The following NIPBL variants were observed in gnomAD, a reference collection of about 807,000 sequenced individuals.
NIPBL encodes nipped-B-like protein.
A neutral mutation model predicts 321.8 loss-of-function variants in NIPBL; 19 were observed. The ratio of observed to expected loss-of-function variants is 0.06; its 90% CI spans 0.04 to 0.09. The LOEUF is 0.09. Among genes scored for constraint, NIPBL ranks in the 10% least tolerant of loss-of-function variants. The probability of loss-of-function intolerance (pLI) is 1.00; values close to 1 mark genes in which losing one functional copy is unlikely to be tolerated. For missense variants in NIPBL, 2,210 were observed against 3,327.0 expected (o/e 0.66, Z 8.26); for synonymous variants, 1,106 against 1,114.1 (o/e 0.99, Z 0.14).
At chr5:36,887,919 G>A (rs1179619564) in intron 1 of NIPBL, among the ~76,000 whole-genome samples, 1 of 152,118 alleles carries the variant, frequency 6.6e-6, no homozygotes, top group East Asian at 1.9e-4. Context: ...AATACATGAA[G>A]TAGGTTAATG....
intron 6 of NIPBL, 143 bp downstream of exon 6, chr5:36,962,417 T>A: frequency 1.1e-6 from 1 of 876,092 alleles, no homozygotes; most frequent in Non-Finnish European, 1.8e-6. Flanking sequence ...AGATATGGCT[T>A]AAATCATTAA....
At chr5:36,988,808 A>T (rs1042327785) in intron 10 of NIPBL, among the ~76,000 whole-genome samples, 1 of 152,110 alleles carries the variant, frequency 6.6e-6, no homozygotes, top group East Asian at 1.9e-4. Context: ...ATTTTACCTG[A>T]TGTTCATATA....
At chr5:37,047,011 A>T (rs1387402421) in intron 38 of NIPBL, among the ~76,000 whole-genome samples, 3 of 152,244 alleles carry the variant, frequency 2.0e-5, no homozygotes, top group Admixed American at 6.5e-5. Context: ...AAATATGTAC[A>T]GACTTTTTTT....
At chr5:37,058,825 G>A in intron 43 of NIPBL, 66 bp from the exon 44 acceptor site, 4 of 1,441,696 alleles carry the variant, frequency 2.8e-6, no homozygotes, top group Non-Finnish European at 3.9e-6. Flanking sequence ...GCTGTTGAAT[G>A]GAGCATACTT....
At position 37,019,305 on chromosome 5, in the gene NIPBL, C is replaced by G; in HGVS notation, c.4921-6C>G. 1.3e-6 allele frequency: 2 copies of G among 1,592,366 alleles called. No individual in the cohort carries two copies. The highest frequency in any genetic ancestry group is 1.7e-6 in the Non-Finnish European group (2 of 1,160,754). ...CTTTTTTGTTCTTATTTGGTTTATT[C>G]TATAGGTTTCAGGAGGGGAAGATGA... On this transcript the variant is annotated splice_polypyrimidine_tract_variant and splice_region_variant and intron_variant, in intron 24 of 46. Transcript: ENST00000282516.
At chr5:37,037,731 C>T (rs532602534) in intron 33 of NIPBL, among the ~76,000 whole-genome samples, 1 of 148,782 alleles carries the variant, frequency 6.7e-6, no homozygotes, top group Admixed American at 6.8e-5. Context: ...ATACTGATGT[C>T]CCTTAATGTT....
chr5:36,985,100 A>G lies in NIPBL; in HGVS notation c.1920A>G (p.Leu640=), dbSNP rs530214717. ...LVETKSSENK[L]ETKVETQTEE... ...AGACAAAATCAAGTGAAAATAAGTTAGAAACTAAAGTTGAGACCCAAACAG... is the reference window on the plus strand; with the variant it reads ...AGACAAAATCAAGTGAAAATAAGTTGGAAACTAAAGTTGAGACCCAAACAG... Residue 640 remains leucine (L), a synonymous_variant, in exon 10 of 47, where the codon TTA becomes TTG. Coordinates refer to ENST00000282516, the MANE Select transcript of NIPBL (RefSeq NM_133433.4). 2.6e-5 allele frequency: 42 copies of G among 1,613,924 alleles called. No homozygotes were observed. Among genetic ancestry groups the G allele is most frequent in the Middle Eastern group, 1.7e-4 (1 of 6,060 alleles).
At chr5:37,029,350 TTTG>T (rs1750690770) in intron 32 of NIPBL, among the ~76,000 whole-genome samples, 18 of 152,310 alleles carry the variant, frequency 1.2e-4, no homozygotes, top group Middle Eastern at 3.4e-3. Flanking sequence ...TAATCTTGTG[TTTG>T]ACTTTTTAAA....
At chr5:37,063,767 G>GA (rs1755064632) in intron 45 of NIPBL, 23 bp from the exon 46 acceptor site, 1 of 1,596,332 alleles carries the variant, frequency 6.3e-7, no homozygotes, top group South Asian at 1.1e-5. Flanking sequence ...TTAAAATTCT[G>GA]AAATAATATC....
At chr5:36,877,295 A>G (rs116068014) in intron 1 of NIPBL, 117 bp downstream of exon 1, 118 of 155,994 alleles carry the variant, frequency 7.6e-4, no homozygotes, top group African/African-American at 2.7e-3. Flanking sequence ...GGTCTCTTCC[A>G]CAGGCGAGTC....
At chr5:37,001,524 A>G (rs1332716721) in intron 14 of NIPBL, among the ~76,000 whole-genome samples, 1 of 152,172 alleles carries the variant, frequency 6.6e-6, no homozygotes, top group African/African-American at 2.4e-5. Flanking sequence ...AAGGCCCTGT[A>G]TAATGAAGGT....
chr5:36,972,353 A>G (rs1367992358), intron 8 of NIPBL, among the ~76,000 whole-genome samples: 1 of 152,052 alleles, frequency 6.6e-6, no homozygotes, highest in Non-Finnish European at 1.5e-5. Context: ...GAAAATTTTG[A>G]TCAGCTTTCC....
intron 33 of NIPBL, 105 bp downstream of exon 33, chr5:37,036,592 G>A: frequency 2.7e-6 from 1 of 371,878 alleles, no homozygotes; most frequent in Non-Finnish European, 4.9e-6. Context: ...CTTGTCTAAT[G>A]ATTACTTCAC....
At chr5:37,003,021 T>C (rs955537845) in intron 15 of NIPBL, among the ~76,000 whole-genome samples, 1 of 151,800 alleles carries the variant, frequency 6.6e-6, no homozygotes, top group African/African-American at 2.4e-5. Context: ...TTTTTTTTTT[T>C]CATTTTCTCA....
rs1408799828 is a variant in NIPBL at position 37,059,155 on chromosome 5, T to C, written c.7675T>C (p.Phe2559Leu). The change falls in exon 44 of 47, where the codon TTT (phenylalanine) becomes CTT (leucine). Residue 2559 changes from phenylalanine (F) to leucine (L), a missense_variant. Physicochemically the swap from Phe to Leu is conservative, Grantham distance 22. Around this residue, in one of 14 missense-constraint regions of NIPBL, gnomAD observed 159 missense variants for 319.2 expected, o/e 0.50. Coordinates refer to ENST00000282516, the MANE Select transcript of NIPBL (RefSeq NM_133433.4). Reference protein sequence around the residue: ...LKQHLKNLCGFSDSKIQKYSP... With the variant: ...LKQHLKNLCGLSDSKIQKYSP... Reference sequence around the variant, plus strand: ...ACAACATTTGAAGAATCTTTGTGGATTTTCTGATAGGTAAGGTTACATAAG... The same window carrying C: ...ACAACATTTGAAGAATCTTTGTGGACTTTCTGATAGGTAAGGTTACATAAG... The C allele has an allele frequency of 6.2e-7, 1 of 1,614,132 alleles. No individual in the cohort carries two copies. Among genetic ancestry groups the C allele is most frequent in the South Asian group, 1.1e-5 (1 of 91,070 alleles).
At position 36,937,644 on chromosome 5, in the gene NIPBL, C is replaced by A. The variant is rs1301153935; in HGVS notation, c.-79-15974C>A. Among the ~76,000 whole-genome samples, 7 of 152,052 alleles carry A rather than the reference C, an allele frequency of 4.6e-5. No individual in the cohort carries two copies. The East Asian group carries it at 1.3e-3, about 29-fold the overall frequency. On this transcript the variant is annotated intron_variant, in intron 1 of 46. Transcript: ENST00000282516. ...TTAAGGACCTTCTCCATTATGTCAT[C>A]CAACGTCTTTCTGAGGACTTACTAG... is the stretch of plus-strand genomic sequence containing the variant.
intron 41 of NIPBL, 85 bp downstream of exon 41, chr5:37,051,971 A>T: frequency 1.1e-6 from 1 of 944,732 alleles, no homozygotes; most frequent in Non-Finnish European, 1.7e-6. Flanking sequence ...GCCCACATTC[A>T]TAATTGGAAT....
intron 46 of NIPBL, 87 bp downstream of exon 46, chr5:37,064,065 A>T: frequency 6.5e-7 from 1 of 1,542,552 alleles, no homozygotes; most frequent in Non-Finnish European, 8.8e-7. Context: ...TATTAAATGT[A>T]CACCAAGTAA....
At chr5:36,947,244 A>G (rs1739791293) in intron 1 of NIPBL, among the ~76,000 whole-genome samples, 1 of 152,030 alleles carries the variant, frequency 6.6e-6, no homozygotes. Context: ...AGTTCAGACT[A>G]CTTTTGTCAG....
Sources: gnomAD v4.1 joint callset for allele counts (sites outside exome capture counted in the v4.1 genomes callset) on GRCh38, gnomAD v4.1.1 for gene constraint, gnomAD v4.1.1 regional missense constraint, MANE v1.5 for transcripts, NCBI Gene and HGNC (gene_info 2026-07-23, HGNC 2026-07-21) for gene names.